Variants in RCAN2 observed in about 807,000 individuals in gnomAD.
The protein encoded by RCAN2 is regulator of calcineurin 2.
A neutral mutation model predicts 23.6 loss-of-function variants in RCAN2; 9 were observed. The observed-to-expected ratio is 0.38, with a 90% confidence interval of 0.23 to 0.67. The LOEUF (loss-of-function observed/expected upper bound fraction) is 0.67. Ranked by LOEUF, RCAN2 falls within the 30% of genes least tolerant of loss-of-function variation. The probability of loss-of-function intolerance (pLI) is 0.51; values close to 1 mark genes in which losing one functional copy is unlikely to be tolerated. For missense variants in RCAN2, 273 were observed against 302.3 expected, an observed-to-expected ratio of 0.90 and a Z score of 0.72; for synonymous variants, 109 against 115.7, an observed-to-expected ratio of 0.94 and a Z score of 0.37.
chr6:46,327,797 G>A (rs1763843014), intron 2 of RCAN2, among the ~76,000 whole-genome samples: 1 of 152,122 alleles, frequency 6.6e-6, no homozygotes, highest in Non-Finnish European at 1.5e-5. Context: ...TGCTCATCAT[G>A]GCTGATTTCC....
chr6:46,227,255 C>T (rs947749579), intron 4 of RCAN2, among the ~76,000 whole-genome samples: 1 of 151,828 alleles, frequency 6.6e-6, no homozygotes, highest in Non-Finnish European at 1.5e-5. Flanking sequence ...TCTCTTTTTT[C>T]GTTGTGTCTC....
At chr6:46,482,700 T>C (rs1377502095) in intron 1 of RCAN2, among the ~76,000 whole-genome samples, 1 of 152,186 alleles carries the variant, frequency 6.6e-6, no homozygotes, top group Non-Finnish European at 1.5e-5. Context: ...AACCTTCTCA[T>C]AGTATCACAC....
chr6:46,391,613 C>T (rs1765941725), intron 2 of RCAN2, among the ~76,000 whole-genome samples: 1 of 152,200 alleles, frequency 6.6e-6, no homozygotes, highest in Admixed American at 6.5e-5. Flanking sequence ...GAGAGCAAAA[C>T]TAGCAATATC....
chr6:46,273,534 T>C (rs1262711169), intron 2 of RCAN2, among the ~76,000 whole-genome samples: 2 of 152,200 alleles, frequency 1.3e-5, no homozygotes, highest in East Asian at 3.8e-4. Context: ...GCTTAAGTGA[T>C]TTTCCTTTGC....
chr6:46,265,005 T>C (rs1173525660), intron 2 of RCAN2, among the ~76,000 whole-genome samples: 1 of 152,222 alleles, frequency 6.6e-6, no homozygotes, highest in Non-Finnish European at 1.5e-5. Flanking sequence ...GGACTATCTA[T>C]GGCAGAGGGA....
chr6:46,392,012 A>G (rs913626631), intron 2 of RCAN2, among the ~76,000 whole-genome samples: 2 of 152,226 alleles, frequency 1.3e-5, no homozygotes. Flanking sequence ...AGTTTTGCCG[A>G]ATGGTGGAGA....
At chr6:46,453,214 T>C (rs1767928558) in intron 2 of RCAN2, among the ~76,000 whole-genome samples, 1 of 151,994 alleles carries the variant, frequency 6.6e-6, no homozygotes, top group Non-Finnish European at 1.5e-5. Context: ...TTTCAGGTGT[T>C]GGACACTGTG....
intron 2 of RCAN2, among the ~76,000 whole-genome samples, chr6:46,412,089 T>C (rs1766565850): frequency 6.6e-6 from 1 of 152,232 alleles, no homozygotes; most frequent in East Asian, 1.9e-4. Context: ...TGACTTGATC[T>C]AAAATATTAG....
chr6:46,337,191 G>A (rs571816581), intron 2 of RCAN2, among the ~76,000 whole-genome samples: 1 of 151,900 alleles, frequency 6.6e-6, no homozygotes, highest in African/African-American at 2.4e-5. Context: ...GAAGGGGAAG[G>A]ATAAAAAATG....
intron 2 of RCAN2, among the ~76,000 whole-genome samples, chr6:46,251,720 T>A (rs1336295111): frequency 6.6e-6 from 1 of 152,166 alleles, no homozygotes; most frequent in East Asian, 1.9e-4. Flanking sequence ...GGTTTTAGGC[T>A]TAGAGGGTGC....
chr6:46,427,368 T>TA (rs1481717131), intron 2 of RCAN2, among the ~76,000 whole-genome samples: 1 of 152,196 alleles, frequency 6.6e-6, no homozygotes, highest in Non-Finnish European at 1.5e-5. Context: ...TTGGATTAGT[T>TA]AGTTACTGAC....
chr6:46,292,911 C>A (rs1013011086), intron 2 of RCAN2, among the ~76,000 whole-genome samples: 1 of 152,084 alleles, frequency 6.6e-6, no homozygotes, highest in Non-Finnish European at 1.5e-5. Flanking sequence ...GTGTGATGTT[C>A]CCCTCCCTGT....
chr6:46,415,076 G>A (rs2150409554), intron 2 of RCAN2, among the ~76,000 whole-genome samples: 1 of 152,262 alleles, frequency 6.6e-6, no homozygotes, highest in Non-Finnish European at 1.5e-5. Context: ...GAGGCAAGGG[G>A]TTTGAGCTTT....
chr6:46,223,969 T>C (rs2150301758), intron 4 of RCAN2, among the ~76,000 whole-genome samples: 1 of 152,360 alleles, frequency 6.6e-6, no homozygotes, highest in Middle Eastern at 3.4e-3. Context: ...CGTGGTCTAT[T>C]GCTGTTCATA....
intron 2 of RCAN2, among the ~76,000 whole-genome samples, chr6:46,251,540 A>T (rs1042918966): frequency 2.6e-5 from 4 of 152,142 alleles, no homozygotes; most frequent in African/African-American, 9.7e-5. Context: ...CACCTCTCCA[A>T]TGCCTGAGCT....
intron 2 of RCAN2, among the ~76,000 whole-genome samples, chr6:46,257,608 A>T (rs940142695): frequency 8.5e-5 from 13 of 152,188 alleles, no homozygotes; most frequent in African/African-American, 3.1e-4. Context: ...CTCACTCACT[A>T]TCATGAGAAC....
chr6:46,304,746 G>A (rs140422089), intron 2 of RCAN2, among the ~76,000 whole-genome samples: 74 of 152,168 alleles, frequency 4.9e-4, no homozygotes, highest in African/African-American at 1.7e-3. Context: ...TACAATTGGG[G>A]TAGGCAGGGG....
intron 1 of RCAN2, among the ~76,000 whole-genome samples, chr6:46,475,453 G>C (rs1423877041): frequency 6.6e-6 from 1 of 152,168 alleles, no homozygotes; most frequent in Non-Finnish European, 1.5e-5. Flanking sequence ...AGCAGGCTGT[G>C]AGGAGATGAG....
chr6:46,234,911 A>G (rs1288712343), intron 4 of RCAN2, among the ~76,000 whole-genome samples: 1 of 152,044 alleles, frequency 6.6e-6, no homozygotes, highest in Non-Finnish European at 1.5e-5. Flanking sequence ...GCTGTTTCCC[A>G]TTCTCAGGAG....
Sources: allele counts gnomAD v4.1 joint callset (sites outside exome capture counted in the v4.1 genomes callset), GRCh38; gene constraint gnomAD v4.1.1; transcripts MANE v1.5; gene names NCBI Gene and HGNC (gene_info 2026-07-23, HGNC 2026-07-21).